Variants in NRG3 observed in about 807,000 individuals in gnomAD.
The protein encoded by NRG3 is neuregulin 3, also known as pro-neuregulin-3, membrane-bound isoform.
A neutral mutation model predicts 66.9 loss-of-function variants in NRG3; 31 were observed. The ratio of observed to expected loss-of-function variants is 0.46; its 90% CI spans 0.35 to 0.63. NRG3 has a LOEUF of 0.63. Ranked by LOEUF, NRG3 falls within the 20% of genes least tolerant of loss-of-function variation. The pLI is 0.00. For missense variants in NRG3, 910 were observed against 878.9 expected, an observed-to-expected ratio of 1.04 and a Z score of -0.45; for synonymous variants, 393 against 359.4, an observed-to-expected ratio of 1.09 and a Z score of -1.06.
At chr10:81,940,989 T>C (rs1848357983) in intron 1 of NRG3, among the ~76,000 whole-genome samples, 1 of 152,140 alleles carries the variant, frequency 6.6e-6, no homozygotes, top group South Asian at 2.1e-4. Context: ...ACAATAGATA[T>C]ATAATTCTTA....
intron 2 of NRG3, among the ~76,000 whole-genome samples, chr10:82,530,148 A>G: frequency 6.6e-6 from 1 of 152,168 alleles, no homozygotes; most frequent in East Asian, 1.9e-4. Flanking sequence ...CAAAATGAAT[A>G]TTAAAGAGAA....
chr10:82,064,013 T>C (rs1342932380), intron 1 of NRG3, among the ~76,000 whole-genome samples: 1 of 152,228 alleles, frequency 6.6e-6, no homozygotes, highest in South Asian at 2.1e-4. Context: ...TGATCCAGTC[T>C]TGTATTTTTT....
chr10:82,744,575 G>A (rs149490657), intron 3 of NRG3, among the ~76,000 whole-genome samples: 140 of 152,162 alleles, frequency 9.2e-4, no homozygotes, highest in African/African-American at 3.2e-3. Flanking sequence ...AATTTCGGTG[G>A]GACACAAACT....
intron 2 of NRG3, among the ~76,000 whole-genome samples, chr10:82,547,529 AT>A (rs1315987234): frequency 6.6e-6 from 1 of 151,422 alleles, no homozygotes; most frequent in Non-Finnish European, 1.5e-5. Context: ...TAGTGTGTAT[AT>A]GTATAGACAC....
chr10:82,059,789 G>A (rs2064038884), intron 1 of NRG3, among the ~76,000 whole-genome samples: 2 of 152,052 alleles, frequency 1.3e-5, no homozygotes, highest in Admixed American at 1.3e-4. Context: ...CCTCCCCTGG[G>A]AGACCCTTCT....
rs199971016 is a variant in NRG3, at chr10:81,980,201, AT to A, written c.823+104051del. ...TCTTTGTACTTTGTAGGAGTTGGAG[AT>A]TTTTTTTTTTTTGGTTGATCATGAA... On this transcript the variant is annotated intron_variant, in intron 1 of 8. Coordinates refer to ENST00000372141, the MANE Select transcript of NRG3 (RefSeq NM_001010848.4). 8.2e-3 allele frequency among the ~76,000 whole-genome samples: 1,189 copies of A among 144,920 alleles called. 5 individuals carry two copies. Among genetic ancestry groups the A allele is most frequent in the African/African-American group, 0.019 (764 of 39,794 alleles).
intron 1 of NRG3, among the ~76,000 whole-genome samples, chr10:82,057,563 G>A (rs1564777722): frequency 6.6e-6 from 1 of 152,048 alleles, no homozygotes; most frequent in East Asian, 1.9e-4. Context: ...AGGATTTCTA[G>A]GCTACTTTCA....
At chr10:81,922,029 C>T (rs1306278366) in intron 1 of NRG3, among the ~76,000 whole-genome samples, 4 of 152,078 alleles carry the variant, frequency 2.6e-5, no homozygotes, top group African/African-American at 9.7e-5. Flanking sequence ...ATCCTTGTCT[C>T]ATTTCTTGAT....
intron 1 of NRG3, among the ~76,000 whole-genome samples, chr10:82,102,146 A>G (rs534224863): frequency 3.6e-5 from 3 of 84,186 alleles, no homozygotes; most frequent in Admixed American, 1.2e-4. Context: ...ATATATATAT[A>G]TATATATATA....
intron 3 of NRG3, among the ~76,000 whole-genome samples, chr10:82,843,031 A>C (rs541936193): frequency 2.0e-5 from 3 of 152,266 alleles, no homozygotes; most frequent in Admixed American, 6.5e-5. Context: ...AAGATGATCT[A>C]TCTCTCTCAA....
chr10:81,892,619 A>G (rs1304931406), intron 1 of NRG3, among the ~76,000 whole-genome samples: 1 of 152,132 alleles, frequency 6.6e-6, no homozygotes, highest in Non-Finnish European at 1.5e-5. Flanking sequence ...ACATTAGAAC[A>G]TAGCTGTACG....
At chr10:81,974,273 C>CT (rs948873588) in intron 1 of NRG3, among the ~76,000 whole-genome samples, 2 of 151,960 alleles carry the variant, frequency 1.3e-5, no homozygotes, top group Admixed American at 6.6e-5. Flanking sequence ...CTATGTGTCT[C>CT]TTTTTTTACC....
At chr10:82,943,179 G>A (rs1021042288) in intron 4 of NRG3, among the ~76,000 whole-genome samples, 2 of 152,166 alleles carry the variant, frequency 1.3e-5, no homozygotes, top group African/African-American at 4.8e-5. Flanking sequence ...TCATTTATAT[G>A]CCATGTATTA....
At chr10:82,163,017 C>T (rs1367291426) in intron 1 of NRG3, among the ~76,000 whole-genome samples, 1 of 152,010 alleles carries the variant, frequency 6.6e-6, no homozygotes, top group Non-Finnish European at 1.5e-5. Context: ...CAGTTAAATT[C>T]TTACTGTGCT....
intron 2 of NRG3, among the ~76,000 whole-genome samples, chr10:82,622,426 T>G (rs1052862386): frequency 4.6e-5 from 7 of 152,164 alleles, no homozygotes; most frequent in Admixed American, 3.3e-4. Flanking sequence ...AAAGATATAG[T>G]GTTTATTCAT....
At chr10:82,386,120 A>T (rs1260547514) in intron 2 of NRG3, among the ~76,000 whole-genome samples, 3 of 152,264 alleles carry the variant, frequency 2.0e-5, no homozygotes, top group African/African-American at 7.2e-5. Context: ...ATTCCTCATT[A>T]TTCTACCCTC....
chr10:82,843,766 A>G (rs918555848), intron 3 of NRG3, among the ~76,000 whole-genome samples: 2 of 152,198 alleles, frequency 1.3e-5, no homozygotes, highest in Admixed American at 6.5e-5. Flanking sequence ...ATTGGAAAAC[A>G]TAAAGTTAAA....
intron 1 of NRG3, among the ~76,000 whole-genome samples, chr10:82,354,024 T>C (rs2135540502): frequency 2.2e-5 from 3 of 139,352 alleles, no homozygotes; most frequent in Admixed American, 2.1e-4. Context: ...CTTTTTTTTT[T>C]TTTTTTTTTT....
intron 3 of NRG3, among the ~76,000 whole-genome samples, chr10:82,858,391 C>T (rs966309929): frequency 3.3e-5 from 5 of 151,834 alleles, no homozygotes; most frequent in African/African-American, 9.7e-5. Flanking sequence ...AGTCTCAACA[C>T]AGGACATCTC....
Sources: allele counts gnomAD v4.1 joint callset (sites outside exome capture counted in the v4.1 genomes callset), GRCh38; gene constraint gnomAD v4.1.1; transcripts MANE v1.5; gene names NCBI Gene and HGNC (gene_info 2026-07-23, HGNC 2026-07-21).